Variants in SLC67A1 observed in about 807,000 individuals in gnomAD.
The protein encoded by SLC67A1 is solute carrier family 67 member 1.
the SLC67A1 span, chr11:2,903,189 C>G: frequency 6.8e-7 from 1 of 1,481,336 alleles, no homozygotes; most frequent in Non-Finnish European, 8.9e-7. Context: ...GGGAGGGGGT[C>G]CTGCAGTGCT....
the SLC67A1 span, among the ~76,000 whole-genome samples, chr11:2,900,587 G>A: frequency 6.6e-6 from 1 of 151,108 alleles, no homozygotes; most frequent in East Asian, 1.9e-4. Context: ...CAGCTACTCG[G>A]GAGGCTGAGG....
At chr11:2,923,791 T>C in the SLC67A1 span, among the ~76,000 whole-genome samples, 1 of 152,120 alleles carries the variant, frequency 6.6e-6, no homozygotes, top group Non-Finnish European at 1.5e-5. The surrounding 1 kb of genome is among the most constrained non-coding windows in gnomAD (Gnocchi z 6.5). Flanking sequence ...TTGGGCCACG[T>C]CATGCGCAGA....
chr11:2,916,585 G>C, the SLC67A1 span: 1 of 1,544,358 alleles, frequency 6.5e-7, no homozygotes, highest in Non-Finnish European at 8.9e-7. Context: ...TGGGCCCTGG[G>C]ACCCGCACCC....
At chr11:2,912,837 C>G in the SLC67A1 span, among the ~76,000 whole-genome samples, 1 of 152,196 alleles carries the variant, frequency 6.6e-6, no homozygotes, top group African/African-American at 2.4e-5. Flanking sequence ...CTGAGCCAGA[C>G]AGCAGGGAGC....
chr11:2,904,581 G>A, the SLC67A1 span, among the ~76,000 whole-genome samples: 1 of 152,256 alleles, frequency 6.6e-6, no homozygotes, highest in Non-Finnish European at 1.5e-5. Flanking sequence ...CCACAGCTGG[G>A]CACAGAGCAC....
the SLC67A1 span, chr11:2,924,994 C>T: frequency 1.9e-6 from 3 of 1,596,210 alleles, no homozygotes; most frequent in Non-Finnish European, 2.6e-6. This position sits in a 1 kb window ranked among gnomAD's most constrained non-coding sequence, Gnocchi z 8.6. Flanking sequence ...CCTGACTACC[C>T]CCATGCACCC....
the SLC67A1 span, chr11:2,909,390 C>G: frequency 6.7e-7 from 1 of 1,502,008 alleles, no homozygotes. Flanking sequence ...CAGGTGGGGC[C>G]GGGTCGGGGG....
the SLC67A1 span, among the ~76,000 whole-genome samples, chr11:2,900,704 A>AAAAAAAAAAAAAAAC: frequency 6.7e-6 from 1 of 149,040 alleles, no homozygotes; most frequent in Non-Finnish European, 1.5e-5. Context: ...AAAAAAAAAA[A>AAAAAAAAAAAAAAAC]AAAAAAAAAA....
chr11:2,920,865 G>GAT, the SLC67A1 span: 3 of 152,160 alleles, frequency 2.0e-5, no homozygotes, highest in Non-Finnish European at 4.4e-5. Context: ...GTCCTTCACG[G>GAT]CACTCACTGT....
the SLC67A1 span, among the ~76,000 whole-genome samples, chr11:2,917,679 G>A: frequency 5.9e-5 from 9 of 152,254 alleles, no homozygotes; most frequent in African/African-American, 2.2e-4. Flanking sequence ...GACTGCCGCA[G>A]GCCTCCGCCA....
the SLC67A1 span, among the ~76,000 whole-genome samples, chr11:2,907,666 GA>G: frequency 2.0e-5 from 3 of 152,124 alleles, no homozygotes; most frequent in Admixed American, 1.3e-4. The surrounding 1 kb of genome is among the most constrained non-coding windows in gnomAD (Gnocchi z 6.7). Flanking sequence ...GGAGAGTCGG[GA>G]ACTCAGAGGC....
At chr11:2,909,829 G>T in the SLC67A1 span, 1 of 1,126,158 alleles carries the variant, frequency 8.9e-7, no homozygotes, top group Non-Finnish European at 1.2e-6. Context: ...GAGTGGCCAC[G>T]TGATGTGGCT....
chr11:2,908,000 C>T, the SLC67A1 span, among the ~76,000 whole-genome samples: 12 of 152,140 alleles, frequency 7.9e-5, no homozygotes, highest in African/African-American at 2.7e-4. The surrounding 1 kb of genome is among the most constrained non-coding windows in gnomAD (Gnocchi z 6.7). Flanking sequence ...TAGAGGCCAC[C>T]CTGGGCTCCC....
At chr11:2,902,900 C>T in the SLC67A1 span, among the ~76,000 whole-genome samples, 1 of 152,216 alleles carries the variant, frequency 6.6e-6, no homozygotes. Context: ...GGCACAGGGA[C>T]CCACATCAGC....
the SLC67A1 span, chr11:2,914,659 A>T: frequency 3.1e-6 from 3 of 976,274 alleles, no homozygotes; most frequent in Non-Finnish European, 3.7e-6. Flanking sequence ...CCACCGCTCG[A>T]GGGCCTGGCT....
the SLC67A1 span, among the ~76,000 whole-genome samples, chr11:2,905,372 G>A: frequency 6.6e-5 from 10 of 152,328 alleles, no homozygotes; most frequent in South Asian, 8.3e-4. Context: ...CTGCCAAAGC[G>A]GACCACTGGA....
At chr11:2,918,520 C>T in the SLC67A1 span, among the ~76,000 whole-genome samples, 1 of 152,234 alleles carries the variant, frequency 6.6e-6, no homozygotes, top group African/African-American at 2.4e-5. Flanking sequence ...CACGGACAAG[C>T]CCACGAGCAG....
At chr11:2,922,208 GGGCT>G in the SLC67A1 span, 3 of 1,611,510 alleles carry the variant, frequency 1.9e-6, no homozygotes, top group Non-Finnish European at 2.5e-6. Flanking sequence ...GCCATGGTGA[GGGCT>G]CCCCGCTTTG....
chr11:2,919,378 C>A, the SLC67A1 span: 4 of 1,613,850 alleles, frequency 2.5e-6, no homozygotes, highest in Non-Finnish European at 3.4e-6. Context: ...AGCTGGCTAC[C>A]TCATGTCCTT....
Sources: allele counts gnomAD v4.1 joint callset (sites outside exome capture counted in the v4.1 genomes callset), GRCh38; gene constraint gnomAD v4.1.1; non-coding constraint Gnocchi (gnomAD v3.1); transcripts MANE v1.5; gene names NCBI Gene and HGNC (gene_info 2026-07-23, HGNC 2026-07-21).